The following KIF24 variants were observed in gnomAD, a reference collection of about 807,000 sequenced individuals.
KIF24 encodes the protein kinesin family member 24.
KIF24 carries 81 observed loss-of-function variants against 118.9 expected under a neutral mutation model. That is an observed-to-expected ratio of 0.68 (90% CI 0.57 to 0.82). The LOEUF is 0.82. Ranked by LOEUF, KIF24 falls within the 40% of genes least tolerant of loss-of-function variation. The probability of loss-of-function intolerance (pLI) is 0.00; values close to 1 mark genes in which losing one functional copy is unlikely to be tolerated. For missense variants in KIF24, 1,560 were observed against 1,661.6 expected, an observed-to-expected ratio of 0.94 and a Z score of 1.06; for synonymous variants, 599 against 610.0, an observed-to-expected ratio of 0.98 and a Z score of 0.27.
At chr9:34,285,567 G>A (rs1256170269) in intron 6 of KIF24, among the ~76,000 whole-genome samples, 1 of 152,060 alleles carries the variant, frequency 6.6e-6, no homozygotes, top group East Asian at 1.9e-4. Flanking sequence ...GAGGTCAGGA[G>A]ATCGAGACCA....
At chr9:34,298,842 A>G in intron 3 of KIF24, among the ~76,000 whole-genome samples, 1 of 152,142 alleles carries the variant, frequency 6.6e-6, no homozygotes, top group East Asian at 1.9e-4. Context: ...ATACAGAAGA[A>G]ATTTGATAAC....
intron 2 of KIF24, among the ~76,000 whole-genome samples, chr9:34,309,194 C>G (rs1837044962): frequency 6.6e-6 from 1 of 152,076 alleles, no homozygotes; most frequent in African/African-American, 2.4e-5. Context: ...GGTATTTTTA[C>G]TTATAAGTAA....
intron 3 of KIF24, among the ~76,000 whole-genome samples, chr9:34,297,587 C>G (rs1030075933): frequency 1.3e-5 from 2 of 151,940 alleles, no homozygotes; most frequent in Non-Finnish European, 2.9e-5. Flanking sequence ...ACGGTGAAAC[C>G]CCATCTCTAC....
At chr9:34,324,599 C>G (rs181945096) in intron 1 of KIF24, among the ~76,000 whole-genome samples, 3 of 152,194 alleles carry the variant, frequency 2.0e-5, no homozygotes, top group Non-Finnish European at 2.9e-5. Context: ...ACTGTAGAGC[C>G]AGATCACTCT....
chr9:34,289,974 T>C (rs1304097176), intron 5 of KIF24, among the ~76,000 whole-genome samples, 200 bp downstream of exon 5: 1 of 152,138 alleles, frequency 6.6e-6, no homozygotes, highest in African/African-American at 2.4e-5. Context: ...CTTTAAAAAA[T>C]ATTAATGAAA....
At chr9:34,269,569 G>A (rs971127093) in intron 7 of KIF24, among the ~76,000 whole-genome samples, 6 of 151,952 alleles carry the variant, frequency 3.9e-5, no homozygotes, top group African/African-American at 9.7e-5. Context: ...ACAGGCGCCC[G>A]CCACCACGCC....
In KIF24 at chr9:34,318,303, C is replaced by T. The variant is rs1006444356; in HGVS notation, c.-25-6932G>A. ...GTAGAATCGTGTCGCGGCTCGAGAG[C>T]GAGACTCCCGTCTTGGAGCCAGCCC... On this transcript the variant is annotated intron_variant, in intron 1 of 12. Transcript: ENST00000402558. The surrounding 1 kb of genome is among the most constrained non-coding windows in gnomAD (Gnocchi z 4.9). 72 of 563,392 alleles carry T rather than the reference C, an allele frequency of 1.3e-4. No individual in the cohort carries two copies. The highest frequency in any genetic ancestry group is 1.3e-3 in the South Asian group (62 of 49,254). 34.9% of individuals were successfully genotyped at this position (563,392 alleles called of 1,614,324 possible).
intron 6 of KIF24, among the ~76,000 whole-genome samples, chr9:34,282,132 C>T (rs1835870035): frequency 6.6e-6 from 1 of 152,018 alleles, no homozygotes; most frequent in Non-Finnish European, 1.5e-5. Flanking sequence ...GGAAACAACC[C>T]AAATGTCTAT....
At chr9:34,313,104 C>T (rs1837222113) in intron 1 of KIF24, among the ~76,000 whole-genome samples, 1 of 152,214 alleles carries the variant, frequency 6.6e-6, no homozygotes, top group Non-Finnish European at 1.5e-5. Context: ...TTCATCTAGG[C>T]TAGCCTTGTG....
chr9:34,309,540 CAAAAAAA>C (rs397960934), intron 2 of KIF24, among the ~76,000 whole-genome samples: 1 of 65,246 alleles, frequency 1.5e-5, no homozygotes, highest in African/African-American at 6.1e-5. Context: ...GACTCCGTCT[CAAAAAAA>C]AAAAAAAAAA....
chr9:34,276,175 G>A (rs1332469829), intron 6 of KIF24, among the ~76,000 whole-genome samples: 1 of 152,134 alleles, frequency 6.6e-6, no homozygotes, highest in African/African-American at 2.4e-5. Context: ...GGCTGAGGTG[G>A]GAGGATCACA....
chr9:34,262,672 A>ATG (rs1835120999), intron 9 of KIF24, among the ~76,000 whole-genome samples: 20 of 37,960 alleles, frequency 5.3e-4, no homozygotes, highest in Non-Finnish European at 8.4e-4. Context: ...AAAAAAAAAA[A>ATG]AAAATATATA....
At chr9:34,255,284 T>A in intron 11 of KIF24, 119 bp from the exon 12 acceptor site, 1 of 652,094 alleles carries the variant, frequency 1.5e-6, no homozygotes, top group South Asian at 1.8e-5. Context: ...TGGTCAAGGT[T>A]TTCACCAAGG....
At position 34,262,681 on chromosome 9, in the gene KIF24, T is replaced by A. The variant is rs1288280823; in HGVS notation, c.1515+420A>T. On this transcript the variant is annotated intron_variant, in intron 9 of 12. Transcript: ENST00000402558. ...AAAAAAAAAAAAAAAAAAAAATATA[T>A]ATATATATATATATATATATATATA... 7.1e-3 allele frequency among the ~76,000 whole-genome samples: 121 copies of A among 16,994 alleles called. 1 individual carries two copies. The highest frequency in any genetic ancestry group is 0.03 in the African/African-American group (103 of 3,478). 11.1% of individuals were successfully genotyped at this position (16,994 alleles called of 152,430 possible).
chr9:34,333,632 G>C (rs1838007418), upstream of KIF24, among the ~76,000 whole-genome samples: 1 of 92,942 alleles, frequency 1.1e-5, no homozygotes. Context: ...GGATGACACA[G>C]AGAGACATTG....
chr9:34,284,447 T>C (rs913294612), intron 6 of KIF24, among the ~76,000 whole-genome samples: 1 of 152,094 alleles, frequency 6.6e-6, no homozygotes, highest in African/African-American at 2.4e-5. Flanking sequence ...CAGTTGTTTA[T>C]TAACAGGAGA....
chr9:34,284,291 TAAAAAA>T (rs1025991437), intron 6 of KIF24, among the ~76,000 whole-genome samples: 1 of 151,658 alleles, frequency 6.6e-6, no homozygotes, highest in African/African-American at 2.4e-5. Context: ...ATAAAAATAA[TAAAAAA>T]AGAAAAAGCA....
At chr9:34,310,634 G>T (rs1837100329) in intron 2 of KIF24, 90 bp downstream of exon 2, 2 of 814,494 alleles carry the variant, frequency 2.5e-6, no homozygotes, top group South Asian at 1.8e-5. Flanking sequence ...TATAAATAAG[G>T]AGTAGATGCT....
At chr9:34,281,119 G>A (rs1271192293) in intron 6 of KIF24, among the ~76,000 whole-genome samples, 2 of 152,016 alleles carry the variant, frequency 1.3e-5, no homozygotes, top group Non-Finnish European at 2.9e-5. Context: ...TCTGCCTTCC[G>A]GGCTCAAGCA....
Sources: allele counts gnomAD v4.1 joint callset (sites outside exome capture counted in the v4.1 genomes callset), GRCh38; gene constraint gnomAD v4.1.1; non-coding constraint Gnocchi (gnomAD v3.1); transcripts MANE v1.5; gene names NCBI Gene and HGNC (gene_info 2026-07-23, HGNC 2026-07-21).